KSR2: variants seen among roughly 807,000 people sequenced by gnomAD.
KSR2 encodes the protein kinase suppressor of ras 2.
A neutral mutation model predicts 107.8 loss-of-function variants in KSR2; 25 were observed. That is an observed-to-expected ratio of 0.23 (90% confidence interval 0.17 to 0.32). KSR2 has a LOEUF of 0.32. KSR2 is among the 10% of genes least tolerant of loss of function. The pLI is 1.00. For missense variants in KSR2, 887 were observed against 1,268.9 expected, an observed-to-expected ratio of 0.70 and a Z score of 4.57; for synonymous variants, 480 against 507.0, an observed-to-expected ratio of 0.95 and a Z score of 0.71.
At chr12:117,917,155 G>C (rs1895202857) in intron 1 of KSR2, among the ~76,000 whole-genome samples, 1 of 152,212 alleles carries the variant, frequency 6.6e-6, no homozygotes, top group African/African-American at 2.4e-5. Context: ...CCCCTGGGAG[G>C]GGGCAAAATT....
chr12:117,715,857 G>A (rs1381334982), intron 4 of KSR2, among the ~76,000 whole-genome samples: 2 of 152,102 alleles, frequency 1.3e-5, no homozygotes, highest in Admixed American at 1.3e-4. Context: ...TCTCTTTCAA[G>A]GCATCCTCCA....
At chr12:117,906,195 C>CA (rs935115441) in intron 1 of KSR2, among the ~76,000 whole-genome samples, 2 of 150,956 alleles carry the variant, frequency 1.3e-5, no homozygotes, top group African/African-American at 4.9e-5. Flanking sequence ...TACAAAAATA[C>CA]AAAAAAAATT....
chr12:117,468,700 GTA>G (rs1457849423), intron 19 of KSR2, among the ~76,000 whole-genome samples: 1 of 152,106 alleles, frequency 6.6e-6, no homozygotes, highest in Non-Finnish European at 1.5e-5. Context: ...GTGCAAGTGT[GTA>G]TATACACATG....
intron 3 of KSR2, among the ~76,000 whole-genome samples, chr12:117,815,027 T>C (rs539220273): frequency 6.6e-6 from 1 of 152,272 alleles, no homozygotes; most frequent in South Asian, 2.1e-4. Flanking sequence ...GGCTCTTAAA[T>C]ATATGAACAT....
At chr12:117,894,064 T>C (rs1003267837) in intron 1 of KSR2, among the ~76,000 whole-genome samples, 6 of 152,178 alleles carry the variant, frequency 3.9e-5, no homozygotes, top group East Asian at 3.9e-4. Flanking sequence ...CGCCTGCCAC[T>C]ACACCCGGCT....
At chr12:117,607,013 G>A (rs948019278) in intron 5 of KSR2, among the ~76,000 whole-genome samples, 2 of 152,126 alleles carry the variant, frequency 1.3e-5, no homozygotes, top group Non-Finnish European at 2.9e-5. Context: ...GAGTCCCTGG[G>A]GAGTTCTGTA....
At chr12:117,498,999 A>C (rs1238892466) in intron 14 of KSR2, among the ~76,000 whole-genome samples, 2 of 152,242 alleles carry the variant, frequency 1.3e-5, no homozygotes, top group African/African-American at 4.8e-5. Flanking sequence ...TAACACATGA[A>C]ATAGACCATG....
At chr12:117,481,376 G>A (rs935383607) in intron 16 of KSR2, among the ~76,000 whole-genome samples, 11 of 152,090 alleles carry the variant, frequency 7.2e-5, no homozygotes, top group Non-Finnish European at 1.6e-4. Context: ...TTGTAAGTTC[G>A]AGGCCCTAAT....
rs111725910 is a variant in KSR2 at position 117,735,364 on chromosome 12, G to A, written c.986+25647C>T. ...TGACATTCCCTCCCAGAAGCCTGGC[G>A]CCTGCCAGTGGCCAAGCGGAGAGAG... is the stretch of plus-strand genomic sequence containing the variant. On this transcript the variant is annotated intron_variant, in intron 4 of 19. Coordinates refer to ENST00000339824, the MANE Select transcript of KSR2 (RefSeq NM_173598.6). 7.5e-4 allele frequency among the ~76,000 whole-genome samples: 114 copies of A among 152,166 alleles called. 3 individuals are homozygous for A. The highest frequency in any genetic ancestry group is 2.5e-4 in the Non-Finnish European group (17 of 68,032).
At chr12:117,861,423 C>T (rs1893288398) in intron 1 of KSR2, among the ~76,000 whole-genome samples, 1 of 110,210 alleles carries the variant, frequency 9.1e-6, no homozygotes, top group South Asian at 3.3e-4. Context: ...GAGTCTCACT[C>T]TGTCGCCCAG....
intron 4 of KSR2, among the ~76,000 whole-genome samples, chr12:117,717,997 A>G (rs1231676329): frequency 6.6e-6 from 1 of 152,194 alleles, no homozygotes; most frequent in Non-Finnish European, 1.5e-5. Flanking sequence ...ACATTTGTGT[A>G]AGCACCTAGA....
intron 4 of KSR2, among the ~76,000 whole-genome samples, chr12:117,743,017 A>C (rs1044894140): frequency 1.3e-5 from 2 of 152,234 alleles, no homozygotes; most frequent in Non-Finnish European, 2.9e-5. Flanking sequence ...CATTGCCTAT[A>C]TAAACTACTG....
At chr12:117,846,526 C>T (rs1179759965) in intron 3 of KSR2, among the ~76,000 whole-genome samples, 1 of 152,096 alleles carries the variant, frequency 6.6e-6, no homozygotes, top group Non-Finnish European at 1.5e-5. Context: ...TGGTCTTGGA[C>T]TCCTGGACTC....
At chr12:117,550,909 C>T (rs946659732) in intron 9 of KSR2, among the ~76,000 whole-genome samples, 7 of 152,168 alleles carry the variant, frequency 4.6e-5, no homozygotes, top group African/African-American at 4.8e-5. Flanking sequence ...TGAGGCCCAG[C>T]GCCTAAATGA....
At position 117,459,256 on chromosome 12, in the gene KSR2, C is replaced by T. The variant is rs1870776817; in HGVS notation, c.*7943G>A. 6.6e-6 allele frequency: 1 copy of T among 152,228 alleles called. No homozygotes were observed. The highest frequency in any genetic ancestry group is 2.4e-5 in the African/African-American group (1 of 41,452). 9.4% of individuals were successfully genotyped at this position (152,228 alleles called of 1,614,324 possible). A position where few individuals can be genotyped will look rare whatever the true frequency, so the allele number is the denominator to read the frequency against. ...CAAATGGCTTGGCTTCTGGAAGTTT[C>T]TGAGGCCTGAGTTCTAAACCTACCT... On this transcript the variant is annotated 3_prime_UTR_variant, in exon 20 of 20. Coordinates refer to ENST00000339824, the MANE Select transcript of KSR2 (RefSeq NM_173598.6).
At chr12:117,849,738 G>A (rs1892847664) in intron 3 of KSR2, among the ~76,000 whole-genome samples, 1 of 152,194 alleles carries the variant, frequency 6.6e-6, no homozygotes, top group Admixed American at 6.5e-5. Context: ...CAGAGACAGA[G>A]ACAGACAGGG....
At chr12:117,815,323 T>TACTAGGAAGCCATG (rs1463296173) in intron 3 of KSR2, among the ~76,000 whole-genome samples, 36 of 152,240 alleles carry the variant, frequency 2.4e-4, no homozygotes, top group Non-Finnish European at 4.9e-4. Context: ...CACAATTAAA[T>TACTAGGAAGCCATG]ACTAGGAAGC....
At chr12:117,518,480 T>G (rs1472573723) in intron 14 of KSR2, among the ~76,000 whole-genome samples, 1 of 152,218 alleles carries the variant, frequency 6.6e-6, no homozygotes, top group Non-Finnish European at 1.5e-5. Context: ...GAGCCTTTTC[T>G]CTTGGCTTGT....
At chr12:117,896,537 G>T (rs1421370095) in intron 1 of KSR2, among the ~76,000 whole-genome samples, 1 of 148,246 alleles carries the variant, frequency 6.7e-6, no homozygotes, top group Non-Finnish European at 1.5e-5. Context: ...TTGGCTCACT[G>T]CAACCTCCAC....
Sources: gnomAD v4.1 joint callset for allele counts (sites outside exome capture counted in the v4.1 genomes callset) on GRCh38, gnomAD v4.1.1 for gene constraint, MANE v1.5 for transcripts, NCBI Gene and HGNC (gene_info 2026-07-23, HGNC 2026-07-21) for gene names.